The following TCIM variants were observed in gnomAD, a reference collection of about 807,000 sequenced individuals.
The protein encoded by TCIM is human thyroid cancer 1.
A neutral mutation model predicts 7.0 loss-of-function variants in TCIM; 5 were observed. The observed-to-expected ratio is 0.71, with a 90% confidence interval of 0.37 to 1.50. TCIM has a LOEUF of 1.50. Among genes scored for constraint, TCIM ranks in the 40% most tolerant of loss-of-function variants. The pLI, the probability that TCIM is intolerant of heterozygous loss-of-function variation, is 0.03. For missense variants in TCIM, 137 were observed against 129.7 expected, an observed-to-expected ratio of 1.06 and a Z score of -0.27; for synonymous variants, 66 against 50.3, an observed-to-expected ratio of 1.31 and a Z score of -1.32.
rs765217018 is a variant in TCIM, at chr8:40,153,781, C to T, written c.249C>T (p.Ala83=). 3 of 1,613,992 alleles carry T rather than the reference C, an allele frequency of 1.9e-6. No homozygotes were observed. Among genetic ancestry groups the T allele is most frequent in the Non-Finnish European group, 2.5e-6 (3 of 1,180,022 alleles). ...AGGAGAAAACGCGTGCCCTGATGGC[C>T]TTGAAGAAGAGGACAAAAGACAAGC... ...DVEEKTRALM[A]LKKRTKDKLF... is the part of the protein sequence containing the mutation. The change falls in exon 1 of 1, where the codon GCC becomes GCT. Residue 83 remains alanine, a synonymous_variant. Coordinates refer to ENST00000315792, the MANE Select transcript of TCIM (RefSeq NM_020130.5).
In TCIM at chr8:40,153,562, C is replaced by T; in HGVS notation, c.30C>T (p.Val10=). 2 of 1,613,548 alleles carry T rather than the reference C, an allele frequency of 1.2e-6. No homozygotes were observed. Among genetic ancestry groups the T allele is most frequent in the East Asian group, 2.2e-5 (1 of 44,844 alleles). The change falls in exon 1 of 1, where the codon GTC becomes GTT. Residue 10 remains valine (V), a synonymous_variant. Transcript: ENST00000315792. ...AAGCAAAGCGAAGCCACCAAGCCGT[C>T]ATCATGTCCACGTCGCTACGAGTCA... MKAKRSHQA[V]IMSTSLRVSP...
In TCIM at chr8:40,154,465, T is replaced by C; in HGVS notation, c.*612T>C. On this transcript the variant is annotated 3_prime_UTR_variant, in exon 1 of 1. Transcript: ENST00000315792. ...ACAATGCCTGAAAAAGTGCACCACA[T>C]GGATGTTAAGTAGAAATTCAAGAAA... 1 of 337,074 alleles carries C rather than the reference T, an allele frequency of 3.0e-6. No individual in the cohort carries two copies. 20.9% of individuals were successfully genotyped at this position (337,074 alleles called of 1,614,324 possible).
Position 40,153,737 on chromosome 8 carries a change from G to A in TCIM, c.205G>A (p.Ala69Thr). Reference protein sequence around the residue: ...KAEERAKIIFAIDQDVEEKTR... With the variant: ...KAEERAKIIFTIDQDVEEKTR... ...AGAGGAGAGAGCCAAGATCATTTTTGCCATAGATCAAGATGTGGAGGAGAA... is the reference window on the plus strand; with the variant it reads ...AGAGGAGAGAGCCAAGATCATTTTTACCATAGATCAAGATGTGGAGGAGAA... Residue 69 changes from alanine (A) to threonine (T), a missense_variant, in exon 1 of 1, where the codon GCC becomes ACC. Coordinates refer to ENST00000315792, the MANE Select transcript of TCIM (RefSeq NM_020130.5). The A allele has an allele frequency of 3.7e-6, 6 of 1,614,108 alleles. No homozygotes were observed. In the South Asian group the frequency reaches 5.5e-5, roughly 15 times the overall value.
At position 40,153,727 on chromosome 8, in the gene TCIM, G is replaced by A. The variant is rs1172649471; in HGVS notation, c.195G>A (p.Lys65=). The change falls in exon 1 of 1, where the codon AAG becomes AAA. Residue 65 remains lysine, a synonymous_variant. Coordinates refer to ENST00000315792, the MANE Select transcript of TCIM (RefSeq NM_020130.5). ...SGDKKAEERA[K]IIFAIDQDVE... The stretch of plus-strand genomic sequence containing the variant: ...ACAAGAAAGCAGAGGAGAGAGCCAA[G>A]ATCATTTTTGCCATAGATCAAGATG... 5.0e-6 allele frequency: 8 copies of A among 1,614,124 alleles called. No individual in the cohort carries two copies. Among genetic ancestry groups the A allele is most frequent in the Non-Finnish European group, 5.1e-6 (6 of 1,180,020 alleles).
Position 40,153,972 on chromosome 8 carries a change from G to A in TCIM, c.*119G>A, listed in dbSNP as rs1804755039. The A allele has an allele frequency of 1.1e-6, 1 of 916,488 alleles. No homozygotes were observed. The highest frequency in any genetic ancestry group is 1.7e-5 in the African/African-American group (1 of 59,996). 56.8% of individuals were successfully genotyped at this position (916,488 alleles called of 1,614,324 possible). On this transcript the variant is annotated 3_prime_UTR_variant, in exon 1 of 1. Transcript: ENST00000315792. Reference sequence around the variant, plus strand: ...ACCTTACAAGCTTCTCTTCTGTCAGGACTCCAGAGGCTGGAAAGGGACCGG... The same window carrying A: ...ACCTTACAAGCTTCTCTTCTGTCAGAACTCCAGAGGCTGGAAAGGGACCGG...
chr8:40,154,515 A>G lies in TCIM; in HGVS notation c.*662A>G. 3.9e-6 allele frequency: 1 copy of G among 258,504 alleles called. No homozygotes were observed. The highest frequency in any genetic ancestry group is 7.7e-6 in the Non-Finnish European group (1 of 129,136). The allele number at this position is 258,504 out of a possible 1,614,324, so 16.0% of individuals were successfully genotyped here. ...AGTAAGATGTCTTCAGCAACTCAGT[A>G]AAACCTTACGCCACCTTTTGGTTTG... On this transcript the variant is annotated 3_prime_UTR_variant, in exon 1 of 1. Coordinates refer to ENST00000315792, the MANE Select transcript of TCIM (RefSeq NM_020130.5).
chr8:40,153,818 C>G lies in TCIM; in HGVS notation c.286C>G (p.Leu96Val). Reference sequence around the variant, plus strand: ...GACAAAAGACAAGCTTTTCCAGTTTCTGAAACTGCGGAAATATTCCATCAA... The same window carrying G: ...GACAAAAGACAAGCTTTTCCAGTTTGTGAAACTGCGGAAATATTCCATCAA... Reference protein sequence around the residue: ...KRTKDKLFQFLKLRKYSIKVH With the variant: ...KRTKDKLFQFVKLRKYSIKVH Residue 96 changes from leucine to valine, a missense_variant, in exon 1 of 1, where the codon CTG becomes GTG. Physicochemically the swap from Leu to Val is conservative, Grantham distance 32. Transcript: ENST00000315792. The G allele has an allele frequency of 1.2e-6, 2 of 1,613,548 alleles. No individual in the cohort carries two copies. The highest frequency in any genetic ancestry group is 1.3e-5 in the African/African-American group (1 of 74,940).
Position 40,153,982 on chromosome 8 carries a change from GCTGGAAAGGGACCGGGA to G in TCIM, c.*143_*159del, listed in dbSNP as rs1346273813. ...CTTCTCTTCTGTCAGGACTCCAGAG[GCTGGAAAGGGACCGGGA>G]CTGGAAAGGGACCAGGACTGAACAG... On this transcript the variant is annotated 3_prime_UTR_variant, in exon 1 of 1. Coordinates refer to ENST00000315792, the MANE Select transcript of TCIM (RefSeq NM_020130.5). The G allele has an allele frequency of 2.4e-6, 2 of 833,528 alleles. No individual in the cohort carries two copies. The highest frequency in any genetic ancestry group is 1.7e-5 in the African/African-American group (1 of 58,168). 51.6% of individuals were successfully genotyped at this position (833,528 alleles called of 1,614,324 possible). A position where few individuals can be genotyped will look rare whatever the true frequency, so the allele number is the denominator to read the frequency against.
Position 40,154,052 on chromosome 8 carries a change from C to T in TCIM, c.*199C>T. ...TGGTTACAAAGACTCCAAACAATTT[C>T]ATGCCCTGTGCTGTTACAGAGGAGA... is the stretch of plus-strand genomic sequence containing the variant. On this transcript the variant is annotated 3_prime_UTR_variant, in exon 1 of 1. Coordinates refer to ENST00000315792, the MANE Select transcript of TCIM (RefSeq NM_020130.5). 1 of 594,854 alleles carries T rather than the reference C, an allele frequency of 1.7e-6. No individual in the cohort carries two copies. The highest frequency in any genetic ancestry group is 2.4e-5 in the South Asian group (1 of 40,882). The allele number at this position is 594,854 out of a possible 1,614,324, so 36.8% of individuals were successfully genotyped here. A position where few individuals can be genotyped will look rare whatever the true frequency, so the allele number is the denominator to read the frequency against.
chr8:40,155,310 A>G lies in TCIM; in HGVS notation c.*1457A>G, dbSNP rs928994825. 8 of 166,192 alleles carry G rather than the reference A, an allele frequency of 4.8e-5. No individual in the cohort carries two copies. The highest frequency in any genetic ancestry group is 1.9e-4 in the African/African-American group (8 of 41,460). The allele number at this position is 166,192 out of a possible 1,614,324, so 10.3% of individuals were successfully genotyped here. A position where few individuals can be genotyped will look rare whatever the true frequency, so the allele number is the denominator to read the frequency against. Reference sequence around the variant, plus strand: ...TAATAAAATGTTTCTAGGACAGCATACGTAAATGCCTGCTATGCTTTCCTA... The same window carrying G: ...TAATAAAATGTTTCTAGGACAGCATGCGTAAATGCCTGCTATGCTTTCCTA... On this transcript the variant is annotated 3_prime_UTR_variant, in exon 1 of 1. Coordinates refer to ENST00000315792, the MANE Select transcript of TCIM (RefSeq NM_020130.5).
In TCIM at chr8:40,153,577, G is replaced by T; in HGVS notation, c.45G>T (p.Ser15=). 3 of 1,614,028 alleles carry T rather than the reference G, an allele frequency of 1.9e-6. No individual in the cohort carries two copies. Among genetic ancestry groups the T allele is most frequent in the Non-Finnish European group, 2.5e-6 (3 of 1,179,982 alleles). ...RSHQAVIMST[S]LRVSPSIHGY... ...ACCAAGCCGTCATCATGTCCACGTC[G>T]CTACGAGTCAGCCCATCCATCCATG... The change falls in exon 1 of 1, where the codon TCG becomes TCT. Residue 15 remains serine, a synonymous_variant. Transcript: ENST00000315792.
Position 40,153,550 on chromosome 8 carries a change from C to A in TCIM, c.18C>A (p.Ser6Arg). 1 of 1,611,230 alleles carries A rather than the reference C, an allele frequency of 6.2e-7. No individual in the cohort carries two copies. Among genetic ancestry groups the A allele is most frequent in the Non-Finnish European group, 8.5e-7 (1 of 1,178,388 alleles). Residue 6 changes from serine to arginine, a missense_variant, in exon 1 of 1, where the codon AGC becomes AGA. Transcript: ENST00000315792. MKAKR[S>R]HQAVIMSTSL... Reference sequence around the variant, plus strand: ...CCACATCGATGAAAGCAAAGCGAAGCCACCAAGCCGTCATCATGTCCACGT... The same window carrying A: ...CCACATCGATGAAAGCAAAGCGAAGACACCAAGCCGTCATCATGTCCACGT...
In TCIM at chr8:40,154,434, C is replaced by T. The variant is rs555876061; in HGVS notation, c.*581C>T. 3.7e-5 allele frequency: 14 copies of T among 379,992 alleles called. No individual in the cohort carries two copies. In the East Asian group the frequency reaches 5.6e-4, roughly 15 times the overall value. The allele number at this position is 379,992 out of a possible 1,614,324, so 23.5% of individuals were successfully genotyped here. A position where few individuals can be genotyped will look rare whatever the true frequency, so the allele number is the denominator to read the frequency against. On this transcript the variant is annotated 3_prime_UTR_variant, in exon 1 of 1. Coordinates refer to ENST00000315792, the MANE Select transcript of TCIM (RefSeq NM_020130.5). Reference sequence around the variant, plus strand: ...ATCAATAATTGATTATTTATTTGCACTTATTACAATGCCTGAAAAAGTGCA... The same window carrying T: ...ATCAATAATTGATTATTTATTTGCATTTATTACAATGCCTGAAAAAGTGCA...
In TCIM at chr8:40,153,769, T is replaced by G; in HGVS notation, c.237T>G (p.Arg79=). ...AIDQDVEEKT[R]ALMALKKRTK... ...ATCAAGATGTGGAGGAGAAAACGCG[T>G]GCCCTGATGGCCTTGAAGAAGAGGA... Residue 79 remains arginine (R), a synonymous_variant, in exon 1 of 1, where the codon CGT becomes CGG. Transcript: ENST00000315792. 3 of 1,614,156 alleles carry G rather than the reference T, an allele frequency of 1.9e-6. No individual in the cohort carries two copies. The highest frequency in any genetic ancestry group is 2.5e-6 in the Non-Finnish European group (3 of 1,180,018).
chr8:40,154,842 A>C lies in TCIM; in HGVS notation c.*989A>C, dbSNP rs1357467389. Reference sequence around the variant, plus strand: ...TTTGGTCTGTGATGCTTGGTCTCAAAGGAAAAAATAAGATGGTAAATGTTG... The same window carrying C: ...TTTGGTCTGTGATGCTTGGTCTCAACGGAAAAAATAAGATGGTAAATGTTG... On this transcript the variant is annotated 3_prime_UTR_variant, in exon 1 of 1. Transcript: ENST00000315792. 1 of 167,050 alleles carries C rather than the reference A, an allele frequency of 6.0e-6. No homozygotes were observed. The highest frequency in any genetic ancestry group is 6.5e-5 in the Admixed American group (1 of 15,286). The allele number at this position is 167,050 out of a possible 1,614,324, so 10.3% of individuals were successfully genotyped here.
rs1804774802 is a variant in TCIM at position 40,155,036 on chromosome 8, T to C, written c.*1183T>C. On this transcript the variant is annotated 3_prime_UTR_variant, in exon 1 of 1. Transcript: ENST00000315792. Reference sequence around the variant, plus strand: ...AATATAGATATAGAAGTTCATAGATTGACTCCTTGGCATTTCTATTTATGT... The same window carrying C: ...AATATAGATATAGAAGTTCATAGATCGACTCCTTGGCATTTCTATTTATGT... 6.0e-6 allele frequency: 1 copy of C among 167,062 alleles called. No individual in the cohort carries two copies. Among genetic ancestry groups the C allele is most frequent in the Non-Finnish European group, 1.5e-5 (1 of 68,088 alleles). The allele number at this position is 167,062 out of a possible 1,614,324, so 10.3% of individuals were successfully genotyped here.
In TCIM at chr8:40,154,238, C is replaced by G. The variant is rs1804760083; in HGVS notation, c.*385C>G. ...CTTTGTCAGGCCCTAGGACTTAAAT[C>G]GAAGTTGAACTTTTTTTTTTTTTTT... is the stretch of plus-strand genomic sequence containing the variant. On this transcript the variant is annotated 3_prime_UTR_variant, in exon 1 of 1. Coordinates refer to ENST00000315792, the MANE Select transcript of TCIM (RefSeq NM_020130.5). The G allele has an allele frequency of 2.6e-6, 1 of 391,584 alleles. No homozygotes were observed. Among genetic ancestry groups the G allele is most frequent in the East Asian group, 3.7e-5 (1 of 27,230 alleles). The allele number at this position is 391,584 out of a possible 1,614,324, so 24.3% of individuals were successfully genotyped here.
In TCIM at chr8:40,153,791, A is replaced by C. The variant is rs1263882147; in HGVS notation, c.259A>C (p.Arg87=). 4 of 1,614,030 alleles carry C rather than the reference A, an allele frequency of 2.5e-6. No individual in the cohort carries two copies. In the South Asian group the frequency reaches 4.4e-5, roughly 18 times the overall value. ...GCGTGCCCTGATGGCCTTGAAGAAGAGGACAAAAGACAAGCTTTTCCAGTT... is the reference window on the plus strand; with the variant it reads ...GCGTGCCCTGATGGCCTTGAAGAAGCGGACAAAAGACAAGCTTTTCCAGTT... ...KTRALMALKK[R]TKDKLFQFLK... Residue 87 remains arginine (R), a synonymous_variant, in exon 1 of 1, where the codon AGG becomes CGG. Transcript: ENST00000315792.
chr8:40,153,605 T>C lies in TCIM; in HGVS notation c.73T>C (p.Tyr25His). ...SLRVSPSIHG[Y>H]HFDTASRKKA... ...ACGAGTCAGCCCATCCATCCATGGCTACCACTTCGACACAGCCTCTCGTAA... is the reference window on the plus strand; with the variant it reads ...ACGAGTCAGCCCATCCATCCATGGCCACCACTTCGACACAGCCTCTCGTAA... Residue 25 changes from tyrosine to histidine, a missense_variant, in exon 1 of 1, where the codon TAC becomes CAC. Physicochemically the swap from Tyr to His is moderately conservative, Grantham distance 83. Coordinates refer to ENST00000315792, the MANE Select transcript of TCIM (RefSeq NM_020130.5). 3 of 1,614,132 alleles carry C rather than the reference T, an allele frequency of 1.9e-6. No individual in the cohort carries two copies. Among genetic ancestry groups the C allele is most frequent in the African/African-American group, 1.3e-5 (1 of 75,044 alleles).
Sources: allele counts gnomAD v4.1 joint callset, GRCh38; gene constraint gnomAD v4.1.1; transcripts MANE v1.5; gene names NCBI Gene and HGNC (gene_info 2026-07-23, HGNC 2026-07-21).